The following PIEZO2 variants were observed in gnomAD, a reference collection of about 807,000 sequenced individuals.
PIEZO2 encodes piezo-type mechanosensitive ion channel component 2.
PIEZO2 carries 172 observed loss-of-function variants against 337.3 expected under a neutral mutation model. The ratio of observed to expected loss-of-function variants is 0.51; its 90% CI spans 0.45 to 0.58. The LOEUF (loss-of-function observed/expected upper bound fraction) is 0.58. Ranked by LOEUF, PIEZO2 falls within the 20% of genes least tolerant of loss-of-function variation. The pLI is 0.00. For synonymous variants in PIEZO2, 1,251 were observed against 1,228.5 expected, an observed-to-expected ratio of 1.02 and a Z score of -0.38; for missense variants, 3,028 against 3,391.3, an observed-to-expected ratio of 0.89 and a Z score of 2.66.
chr18:10,793,651 T>C (rs76158648), intron 13 of PIEZO2, among the ~76,000 whole-genome samples: 3,658 of 152,308 alleles, frequency 0.024, 145 homozygotes, highest in African/African-American at 0.084. Flanking sequence ...TGTGTGGGTC[T>C]GTGTTTAAGA....
rs1281246541 is a variant in PIEZO2, at chr18:10,872,347, A to T, written c.330-932T>A. Among the ~76,000 whole-genome samples the T allele has an allele frequency of 6.6e-6, 1 of 152,278 alleles. No individual in the cohort carries two copies. The highest frequency in any genetic ancestry group is 2.1e-4 in the South Asian group (1 of 4,830). ...TGAAGTGGAGAGTAGAAAGGGCTTC[A>T]ACTGGAAAAGGAGGAGAGATCTGTC... is the stretch of plus-strand genomic sequence containing the variant. On this transcript the variant is annotated intron_variant, in intron 4 of 55. Transcript: ENST00000674853. This position sits in a 1 kb window ranked among gnomAD's most constrained non-coding sequence, Gnocchi z 4.3.
At chr18:10,881,461 A>G (rs1046923521) in intron 4 of PIEZO2, among the ~76,000 whole-genome samples, 2 of 152,194 alleles carry the variant, frequency 1.3e-5, no homozygotes, top group African/African-American at 4.8e-5. Flanking sequence ...CAGAGGTGAG[A>G]GTAGGATGCC....
rs1194320954 is a variant in PIEZO2 at position 11,129,318 on chromosome 18, T to A, written c.64+19207A>T. 6.6e-6 allele frequency among the ~76,000 whole-genome samples: 1 copy of A among 151,946 alleles called. No homozygotes were observed. The highest frequency in any genetic ancestry group is 1.5e-5 in the Non-Finnish European group (1 of 68,024). Reference sequence around the variant, plus strand: ...GGTGGCAGGGACCAAGTGGCAGCACTCAACTGTCAAAGGCAAGGTAGGCGT... The same window carrying A: ...GGTGGCAGGGACCAAGTGGCAGCACACAACTGTCAAAGGCAAGGTAGGCGT... On this transcript the variant is annotated intron_variant, in intron 1 of 55. Transcript: ENST00000674853. The surrounding 1 kb of genome is among the most constrained non-coding windows in gnomAD (Gnocchi z 4.6).
rs575843603 is a variant in PIEZO2, at chr18:11,060,617, T to C, written c.160+5510A>G. 1.6e-4 allele frequency among the ~76,000 whole-genome samples: 24 copies of C among 152,316 alleles called. No homozygotes were observed. The East Asian group carries it at 4.6e-3, about 29-fold the overall frequency. On this transcript the variant is annotated intron_variant, in intron 2 of 55. Coordinates refer to ENST00000674853, the MANE Select transcript of PIEZO2 (RefSeq NM_001378183.1). ...GGAAATACAAACTACCATCAGAGAA[T>C]ACTATAAACACCTCTATGCAAATAA...
At position 10,681,656 on chromosome 18, in the gene PIEZO2, C is replaced by G. The variant is rs2034269168; in HGVS notation, c.7779+5G>C. The G allele has an allele frequency of 6.4e-6, 10 of 1,569,400 alleles. No individual in the cohort carries two copies. Among genetic ancestry groups the G allele is most frequent in the Non-Finnish European group, 8.8e-6 (10 of 1,139,588 alleles). ...CACAGAAATCTACTATAGGGATTTA[C>G]TTACGGTGTCCCTAGAAAAAGCTTG... On this transcript the variant is annotated splice_donor_5th_base_variant and intron_variant, in intron 51 of 55. Coordinates refer to ENST00000674853, the MANE Select transcript of PIEZO2 (RefSeq NM_001378183.1).
At chr18:10,743,110 C>G (rs142594366) in intron 31 of PIEZO2, among the ~76,000 whole-genome samples, 59 of 152,178 alleles carry the variant, frequency 3.9e-4, no homozygotes, top group African/African-American at 1.3e-3. Flanking sequence ...TTCTTCTAGA[C>G]CTGATTTGGA....
intron 3 of PIEZO2, among the ~76,000 whole-genome samples, chr18:10,913,193 T>C (rs2030634580): frequency 6.6e-6 from 1 of 152,218 alleles, no homozygotes; most frequent in Admixed American, 6.5e-5. Context: ...ATGTCTATGA[T>C]GTGTAATTCT....
rs1289168822 is a variant in PIEZO2, at chr18:11,111,650, C to T, written c.64+36875G>A. ...TCCTGCCACCCCCAACTTCCTCTCT[C>T]CTGTGCTCACATGACATCCAATCCC... On this transcript the variant is annotated intron_variant, in intron 1 of 55. Transcript: ENST00000674853. This position sits in a 1 kb window ranked among gnomAD's most constrained non-coding sequence, Gnocchi z 6.2. Among the ~76,000 whole-genome samples the T allele has an allele frequency of 2.0e-5, 3 of 152,124 alleles. No homozygotes were observed. Among genetic ancestry groups the T allele is most frequent in the South Asian group, 2.1e-4 (1 of 4,828 alleles).
At chr18:11,045,466 C>T (rs1367375338) in intron 2 of PIEZO2, among the ~76,000 whole-genome samples, 1 of 152,142 alleles carries the variant, frequency 6.6e-6, no homozygotes, top group African/African-American at 2.4e-5. Context: ...CTTGGGAACC[C>T]TAGACAGCAC....
chr18:10,853,304 A>G lies in PIEZO2; in HGVS notation c.917+2049T>C, dbSNP rs1272268916. Among the ~76,000 whole-genome samples, 3 of 152,202 alleles carry G rather than the reference A, an allele frequency of 2.0e-5. No homozygotes were observed. The highest frequency in any genetic ancestry group is 7.2e-5 in the African/African-American group (3 of 41,444). On this transcript the variant is annotated intron_variant, in intron 7 of 55. Coordinates refer to ENST00000674853, the MANE Select transcript of PIEZO2 (RefSeq NM_001378183.1). The surrounding 1 kb of genome is among the most constrained non-coding windows in gnomAD (Gnocchi z 4.2). ...TGTATAAAACCCCAGTCAAAGGTCA[A>G]ACCGTGCACTTGATCTCAAGTCGCC...
At chr18:10,887,931 G>A (rs751435549) in intron 4 of PIEZO2, among the ~76,000 whole-genome samples, 26 of 152,102 alleles carry the variant, frequency 1.7e-4, no homozygotes, top group Non-Finnish European at 2.4e-4. Context: ...TCGAATTGGC[G>A]TGCACCAGCT....
Position 11,096,060 on chromosome 18 carries a change from T to TG in PIEZO2, c.65-29839dup, listed in dbSNP as rs367988538. On this transcript the variant is annotated intron_variant, in intron 1 of 55. Transcript: ENST00000674853. This position sits in a 1 kb window ranked among gnomAD's most constrained non-coding sequence, Gnocchi z 4.6. ...GAGAGGGAGGCAGCTTTGCCTCCACTGCATGGAAAGGGCTTGGAACCAGCG... is the reference window on the plus strand; with the variant it reads ...GAGAGGGAGGCAGCTTTGCCTCCACTGGCATGGAAAGGGCTTGGAACCAGCG... Among the ~76,000 whole-genome samples the TG allele has an allele frequency of 1.2e-4, 18 of 152,352 alleles. No individual in the cohort carries two copies. The highest frequency in any genetic ancestry group is 4.1e-4 in the African/African-American group (17 of 41,584).
chr18:11,147,147 C>T (rs1169059033), intron 1 of PIEZO2, among the ~76,000 whole-genome samples: 1 of 152,130 alleles, frequency 6.6e-6, no homozygotes, highest in Admixed American at 6.5e-5. Flanking sequence ...TTCAAGCTGG[C>T]GGGGAGAGAG....
chr18:10,971,014 C>T (rs988666858), intron 3 of PIEZO2, among the ~76,000 whole-genome samples: 1 of 152,170 alleles, frequency 6.6e-6, no homozygotes, highest in African/African-American at 2.4e-5. Context: ...GTTACCAGAA[C>T]AAGGAAAGTC....
At chr18:10,742,349 C>T in intron 32 of PIEZO2, 145 bp downstream of exon 32, 1 of 895,258 alleles carries the variant, frequency 1.1e-6, no homozygotes, top group Middle Eastern at 3.2e-4. Flanking sequence ...TATCCATTCA[C>T]AATGGGAAAA....
At chr18:10,951,813 C>T (rs2033306887) in intron 3 of PIEZO2, among the ~76,000 whole-genome samples, 1 of 152,172 alleles carries the variant, frequency 6.6e-6, no homozygotes, top group African/African-American at 2.4e-5. Context: ...CTGTAGCTTA[C>T]TTATCTATCA....
At chr18:10,743,525 T>G (rs923943530) in intron 31 of PIEZO2, among the ~76,000 whole-genome samples, 27 of 152,184 alleles carry the variant, frequency 1.8e-4, no homozygotes, top group Non-Finnish European at 2.9e-4. Flanking sequence ...CAGAATGGGA[T>G]GGTGGGAAAA....
chr18:10,697,150 G>A (rs2035129469), intron 45 of PIEZO2, among the ~76,000 whole-genome samples: 1 of 152,158 alleles, frequency 6.6e-6, no homozygotes, highest in African/African-American at 2.4e-5. Context: ...GCTCTTGCTT[G>A]TCTGTCTAAC....
rs546952956 is a variant in PIEZO2, at chr18:10,777,596, C to A, written c.2534+2729G>T. 7.2e-5 allele frequency among the ~76,000 whole-genome samples: 11 copies of A among 152,316 alleles called. No homozygotes were observed. The South Asian group carries it at 1.5e-3, about 20-fold the overall frequency. ...AAGAGGGTTAATTCTGTACAAGAACCTGACTTTGAAAAGCTGCATAGTAAA... is the reference window on the plus strand; with the variant it reads ...AAGAGGGTTAATTCTGTACAAGAACATGACTTTGAAAAGCTGCATAGTAAA... On this transcript the variant is annotated intron_variant, in intron 18 of 55. Coordinates refer to ENST00000674853, the MANE Select transcript of PIEZO2 (RefSeq NM_001378183.1).
Sources: gnomAD v4.1 joint callset for allele counts (sites outside exome capture counted in the v4.1 genomes callset) on GRCh38, gnomAD v4.1.1 for gene constraint, Gnocchi (gnomAD v3.1) non-coding constraint, MANE v1.5 for transcripts, NCBI Gene and HGNC (gene_info 2026-07-23, HGNC 2026-07-21) for gene names.